ABHD17C: variants seen among roughly 807,000 people sequenced by gnomAD.
The protein encoded by ABHD17C is abhydrolase domain containing 17C, depalmitoylase.
ABHD17C carries 11 observed loss-of-function variants against 27.9 expected under a neutral mutation model. The observed-to-expected ratio is 0.39, with a 90% CI of 0.25 to 0.65. The LOEUF (loss-of-function observed/expected upper bound fraction) is 0.65, where lower values mean the gene tolerates loss of function less well. Among genes scored for constraint, ABHD17C ranks in the 30% least tolerant of loss-of-function variants. ABHD17C has a pLI of 0.45. For missense variants in ABHD17C, 280 were observed against 470.2 expected (o/e 0.60, Z 3.74); for synonymous variants, 233 against 209.1 (o/e 1.11, Z -0.98).
At chr15:80,698,061 C>CTTTTT (rs34987348) in intron 1 of ABHD17C, among the ~76,000 whole-genome samples, 2 of 97,036 alleles carry the variant, frequency 2.1e-5, no homozygotes, top group East Asian at 2.6e-4. Flanking sequence ...TTTTATTTCA[C>CTTTTT]TTTTTTTTTT....
intron 2 of ABHD17C, 99 bp downstream of exon 2, chr15:80,749,791 C>T: frequency 7.2e-7 from 1 of 1,379,858 alleles, no homozygotes; most frequent in Non-Finnish European, 9.9e-7. Context: ...TTGAATGCAG[C>T]CATACGTCAG....
intron 1 of ABHD17C, among the ~76,000 whole-genome samples, chr15:80,733,141 T>TG (rs1256059859): frequency 6.6e-6 from 1 of 152,186 alleles, no homozygotes; most frequent in Non-Finnish European, 1.5e-5. Flanking sequence ...GCTGTCTGAT[T>TG]GCAGAGCGTA....
chr15:80,724,881 TGGA>T (rs1433634158), intron 1 of ABHD17C, among the ~76,000 whole-genome samples: 1 of 152,318 alleles, frequency 6.6e-6, no homozygotes, highest in South Asian at 2.1e-4. Context: ...TGGGTTTCAG[TGGA>T]GGAGAACAGA....
intron 1 of ABHD17C, among the ~76,000 whole-genome samples, chr15:80,741,231 C>T (rs995561456): frequency 6.6e-6 from 1 of 151,924 alleles, no homozygotes; most frequent in Non-Finnish European, 1.5e-5. Flanking sequence ...GTTTCATGTC[C>T]GGTCCAAGGG....
intron 1 of ABHD17C, among the ~76,000 whole-genome samples, chr15:80,724,070 G>A (rs1466077940): frequency 6.6e-6 from 1 of 152,102 alleles, no homozygotes; most frequent in Non-Finnish European, 1.5e-5. Context: ...GGGTGTGGTG[G>A]TGGACACCTG....
chr15:80,696,748 C>T lies in ABHD17C; in HGVS notation c.590+729C>T, dbSNP rs143045549. 4.2e-4 allele frequency among the ~76,000 whole-genome samples: 64 copies of T among 152,280 alleles called. 1 individual carries two copies. The highest frequency in any genetic ancestry group is 1.4e-3 in the African/African-American group (60 of 41,558). The stretch of plus-strand genomic sequence containing the variant: ...AGGACTGAAAAGTGTTTAGGGTGGG[C>T]CATCTGTGAGCCAGGCACAAACTGG... On this transcript the variant is annotated intron_variant, in intron 1 of 2. Coordinates refer to ENST00000258884, the MANE Select transcript of ABHD17C (RefSeq NM_021214.2).
Position 80,695,717 on chromosome 15 carries a change from C to T in ABHD17C, c.288C>T (p.Asp96=). The T allele has an allele frequency of 6.5e-7, 1 of 1,532,932 alleles. No individual in the cohort carries two copies. The highest frequency in any genetic ancestry group is 8.7e-7 in the Non-Finnish European group (1 of 1,145,940). The allele number at this position is 1,532,932 out of a possible 1,614,324, so 95.0% of individuals were successfully genotyped here. A position where few individuals can be genotyped will look rare whatever the true frequency, so the allele number is the denominator to read the frequency against. Residue 96 remains aspartate (D), a synonymous_variant, in exon 1 of 3, where the codon GAC becomes GAT. Coordinates refer to ENST00000258884, the MANE Select transcript of ABHD17C (RefSeq NM_021214.2). The surrounding 1 kb of genome is among the most constrained non-coding windows in gnomAD (Gnocchi z 4.3). ...GCCTGCACCTCAGCGAGCGCGCCGA[C>T]TGGCAGTACTCGCAGCGCGAGCTGG... ...ACSLHLSERA[D]WQYSQRELDA... is the part of the protein sequence containing the mutation.
chr15:80,701,450 G>A (rs909717159), intron 1 of ABHD17C, among the ~76,000 whole-genome samples: 2 of 151,924 alleles, frequency 1.3e-5, no homozygotes, highest in Non-Finnish European at 2.9e-5. Context: ...AGGCTGAGAC[G>A]GGCGGATCAT....
chr15:80,725,114 A>G (rs1255921042), intron 1 of ABHD17C, among the ~76,000 whole-genome samples: 3 of 152,200 alleles, frequency 2.0e-5, no homozygotes, highest in Non-Finnish European at 4.4e-5. Flanking sequence ...GATTTTGTCT[A>G]TGGGATAGTT....
At chr15:80,723,138 A>ATTGTGTGTG (rs58011508) in intron 1 of ABHD17C, among the ~76,000 whole-genome samples, 1 of 124,936 alleles carries the variant, frequency 8.0e-6, no homozygotes, top group African/African-American at 3.9e-5. Flanking sequence ...GTGTGTATAT[A>ATTGTGTGTG]TGTGTGTGTG....
chr15:80,708,219 A>G (rs1195689817), intron 1 of ABHD17C, among the ~76,000 whole-genome samples: 1 of 151,780 alleles, frequency 6.6e-6, no homozygotes, highest in Non-Finnish European at 1.5e-5. Context: ...TTCTTTCTTT[A>G]TTCTAGGCTC....
At chr15:80,743,369 G>A (rs1165341429) in intron 1 of ABHD17C, among the ~76,000 whole-genome samples, 1 of 152,074 alleles carries the variant, frequency 6.6e-6, no homozygotes, top group Non-Finnish European at 1.5e-5. Flanking sequence ...TACTTAGGGA[G>A]CAGGAATGTT....
At chr15:80,743,344 C>A (rs1449692747) in intron 1 of ABHD17C, among the ~76,000 whole-genome samples, 3 of 152,062 alleles carry the variant, frequency 2.0e-5, no homozygotes, top group Non-Finnish European at 2.9e-5. Context: ...TCACCCACTA[C>A]CGGCTGTGTA....
At chr15:80,700,006 G>C (rs940435550) in intron 1 of ABHD17C, among the ~76,000 whole-genome samples, 12 of 152,200 alleles carry the variant, frequency 7.9e-5, no homozygotes, top group African/African-American at 2.9e-4. Context: ...ACATATCTGT[G>C]GAAAAGACAC....
At chr15:80,696,257 T>C (rs1053559261) in intron 1 of ABHD17C, among the ~76,000 whole-genome samples, 1 of 152,232 alleles carries the variant, frequency 6.6e-6, no homozygotes, top group African/African-American at 2.4e-5. Context: ...TCAGAGAATT[T>C]TGCCTGCTTT....
At chr15:80,748,255 C>T (rs2660989) in intron 1 of ABHD17C, among the ~76,000 whole-genome samples, 141,851 of 152,272 alleles carry the variant, frequency 0.93, 66,113 homozygotes, top group East Asian at 0.97. Context: ...CACTGAACGC[C>T]GTTATCAGAA....
chr15:80,725,704 G>T (rs551910032), intron 1 of ABHD17C, among the ~76,000 whole-genome samples: 1 of 152,212 alleles, frequency 6.6e-6, no homozygotes, highest in Admixed American at 6.5e-5. Context: ...TTTTTATAGA[G>T]ATGTAGTCTT....
At chr15:80,711,069 C>T (rs571074917) in intron 1 of ABHD17C, among the ~76,000 whole-genome samples, 1 of 152,326 alleles carries the variant, frequency 6.6e-6, no homozygotes, top group East Asian at 1.9e-4. Context: ...ATTCTCCCTT[C>T]AGAGAAGGAA....
At chr15:80,713,354 CTTTTT>C (rs67320992) in intron 1 of ABHD17C, among the ~76,000 whole-genome samples, 76 of 43,848 alleles carry the variant, frequency 1.7e-3, no homozygotes, top group East Asian at 7.5e-3. Flanking sequence ...AGGTCTTGTT[CTTTTT>C]TTTTTTTTTT....
Sources: gnomAD v4.1 joint callset for allele counts (sites outside exome capture counted in the v4.1 genomes callset) on GRCh38, gnomAD v4.1.1 for gene constraint, Gnocchi (gnomAD v3.1) non-coding constraint, MANE v1.5 for transcripts, NCBI Gene and HGNC (gene_info 2026-07-23, HGNC 2026-07-21) for gene names.